Variants in NLGN1 observed in about 807,000 individuals in gnomAD.
The protein encoded by NLGN1 is neuroligin-1.
In NLGN1, 12 loss-of-function variants were observed where a neutral mutation model predicts 65.5. The observed-to-expected ratio is 0.18, with a 90% CI of 0.12 to 0.30. NLGN1 has a LOEUF of 0.30. Among genes scored for constraint, NLGN1 ranks in the 10% least tolerant of loss-of-function variants. The pLI is 1.00. For missense variants in NLGN1, 750 were observed against 1,007.1 expected (o/e 0.74, Z 3.46); for synonymous variants, 350 against 359.5 (o/e 0.97, Z 0.30).
intron 4 of NLGN1, among the ~76,000 whole-genome samples, chr3:174,209,750 A>G (rs923173293): frequency 6.9e-6 from 1 of 145,170 alleles, no homozygotes; most frequent in African/African-American, 2.6e-5. Flanking sequence ...CTCCTGCCTC[A>G]GCCTCCCGAG....
chr3:174,074,516 A>G (rs1481812247), intron 4 of NLGN1, among the ~76,000 whole-genome samples: 2 of 152,160 alleles, frequency 1.3e-5, no homozygotes, highest in Non-Finnish European at 2.9e-5. Flanking sequence ...TTCTTGTTGC[A>G]AACATATTGA....
intron 4 of NLGN1, among the ~76,000 whole-genome samples, chr3:174,137,616 C>G (rs1391663092): frequency 6.6e-6 from 1 of 152,114 alleles, no homozygotes; most frequent in Non-Finnish European, 1.5e-5. Flanking sequence ...TATTTTTATG[C>G]TCTACCAGAA....
At chr3:173,986,922 T>A (rs1305204432) in intron 4 of NLGN1, among the ~76,000 whole-genome samples, 1 of 152,216 alleles carries the variant, frequency 6.6e-6, no homozygotes, top group Admixed American at 6.5e-5. Flanking sequence ...GATTTCTTAA[T>A]GACATTTTGG....
At chr3:173,448,439 T>G (rs1474608373) in intron 2 of NLGN1, among the ~76,000 whole-genome samples, 1 of 152,270 alleles carries the variant, frequency 6.6e-6, no homozygotes, top group Non-Finnish European at 1.5e-5. Flanking sequence ...ATAAGCTTTT[T>G]GATGTGTTGC....
At chr3:174,100,289 ACTTT>A (rs1712121762) in intron 4 of NLGN1, among the ~76,000 whole-genome samples, 1 of 151,858 alleles carries the variant, frequency 6.6e-6, no homozygotes, top group Non-Finnish European at 1.5e-5. Context: ...AAAAAAAAAA[ACTTT>A]ATTTTAATTT....
At chr3:173,509,424 G>T (rs141818129) in intron 2 of NLGN1, among the ~76,000 whole-genome samples, 2 of 151,806 alleles carry the variant, frequency 1.3e-5, no homozygotes, top group African/African-American at 4.8e-5. Context: ...ACCTGCCTGG[G>T]TAACATGGTG....
intron 2 of NLGN1, among the ~76,000 whole-genome samples, chr3:173,529,271 TC>T (rs1736152567): frequency 6.6e-6 from 1 of 152,148 alleles, no homozygotes; most frequent in Non-Finnish European, 1.5e-5. Context: ...AGGTGGCACT[TC>T]CGGGTAAGAG....
intron 3 of NLGN1, among the ~76,000 whole-genome samples, chr3:173,806,567 A>G (rs1005530590): frequency 1.8e-4 from 27 of 152,076 alleles, no homozygotes; most frequent in South Asian, 2.1e-4. Context: ...CATAATAGTA[A>G]TGTTTTCTTT....
chr3:173,528,747 A>G (rs1164386094), intron 2 of NLGN1, among the ~76,000 whole-genome samples: 2 of 152,128 alleles, frequency 1.3e-5, no homozygotes, highest in South Asian at 2.1e-4. Context: ...AAAGCTTTCA[A>G]CTGTATTTTG....
intron 4 of NLGN1, among the ~76,000 whole-genome samples, chr3:174,006,770 T>C (rs1724506021): frequency 6.6e-6 from 1 of 152,040 alleles, no homozygotes. Flanking sequence ...TGCATTCTTA[T>C]AAGAAGAGGA....
intron 2 of NLGN1, among the ~76,000 whole-genome samples, chr3:173,494,228 G>A (rs1182241386): frequency 6.6e-6 from 1 of 151,224 alleles, no homozygotes; most frequent in Non-Finnish European, 1.5e-5. Context: ...TAGCCATTCT[G>A]GTCAGTGTAT....
At chr3:174,065,005 A>G (rs1202808503) in intron 4 of NLGN1, among the ~76,000 whole-genome samples, 1 of 151,826 alleles carries the variant, frequency 6.6e-6, no homozygotes, top group African/African-American at 2.4e-5. Context: ...TGAGGTGTCA[A>G]GTATTTTATA....
chr3:173,449,001 T>C (rs184810852), intron 2 of NLGN1, among the ~76,000 whole-genome samples: 23 of 152,320 alleles, frequency 1.5e-4, no homozygotes, highest in Admixed American at 6.5e-4. Context: ...TGTTGATCTT[T>C]TCAAAAAACC....
chr3:173,813,430 GA>G (rs1261034465), intron 4 of NLGN1, among the ~76,000 whole-genome samples: 22 of 152,298 alleles, frequency 1.4e-4, no homozygotes, highest in African/African-American at 3.6e-4. Context: ...TTGAGATGTA[GA>G]AAGAAAAAGA....
At chr3:173,656,702 A>G (rs965984837) in intron 3 of NLGN1, among the ~76,000 whole-genome samples, 3 of 152,064 alleles carry the variant, frequency 2.0e-5, no homozygotes, top group Admixed American at 1.3e-4. Flanking sequence ...TAAAATGTAC[A>G]TTCCAGGTCC....
chr3:174,095,533 CTA>C (rs572907443), intron 4 of NLGN1, among the ~76,000 whole-genome samples: 66 of 127,122 alleles, frequency 5.2e-4, no homozygotes, highest in South Asian at 9.4e-4. Flanking sequence ...CATTATATAT[CTA>C]TATATATATA....
At chr3:173,779,510 G>A (rs565931643) in intron 3 of NLGN1, among the ~76,000 whole-genome samples, 213 of 151,796 alleles carry the variant, frequency 1.4e-3, no homozygotes, top group African/African-American at 4.9e-3. Context: ...AAAATTTTAC[G>A]GAGTCCTGTA....
intron 3 of NLGN1, among the ~76,000 whole-genome samples, chr3:173,681,010 A>C (rs1323160641): frequency 6.6e-6 from 1 of 152,184 alleles, no homozygotes; most frequent in Non-Finnish European, 1.5e-5. Flanking sequence ...CTTCATGTTA[A>C]AACTATGTCC....
At chr3:174,213,348 C>T (rs1310975466) in intron 4 of NLGN1, among the ~76,000 whole-genome samples, 1 of 152,054 alleles carries the variant, frequency 6.6e-6, no homozygotes, top group Non-Finnish European at 1.5e-5. Flanking sequence ...TAGGACTTTC[C>T]TTGAAATTTA....
Sources: gnomAD v4.1 joint callset for allele counts (sites outside exome capture counted in the v4.1 genomes callset) on GRCh38, gnomAD v4.1.1 for gene constraint, MANE v1.5 for transcripts, NCBI Gene and HGNC (gene_info 2026-07-23, HGNC 2026-07-21) for gene names.